CASD1: variants seen among roughly 807,000 people sequenced by gnomAD.
The protein encoded by CASD1 is N-acetylneuraminate (7)9-O-acetyltransferase.
CASD1 carries 41 observed loss-of-function variants against 100.0 expected under a neutral mutation model. That is an observed-to-expected ratio of 0.41 (90% CI 0.32 to 0.53). CASD1 has a LOEUF of 0.53. Among genes scored for constraint, CASD1 ranks in the 20% least tolerant of loss-of-function variants. The pLI, the probability that CASD1 is intolerant of heterozygous loss-of-function variation, is 0.25. For synonymous variants in CASD1, 321 were observed against 315.6 expected, an observed-to-expected ratio of 1.02 and a Z score of -0.18; for missense variants, 774 against 948.7, an observed-to-expected ratio of 0.82 and a Z score of 2.42.
chr7:94,586,061 G>GAAAAAAAAAAAAAAAAAA, the CASD1 span, among the ~76,000 whole-genome samples: 13 of 28,908 alleles, frequency 4.5e-4, no homozygotes, highest in South Asian at 1.8e-3. Flanking sequence ...GGAACTAAAT[G>GAAAAAAAAAAAAAAAAAA]AAAAAAAAAA....
chr7:94,553,878 CAG>C (rs1175085760), intron 16 of CASD1: 1 of 151,660 alleles, frequency 6.6e-6, no homozygotes, highest in Non-Finnish European at 1.5e-5. Flanking sequence ...TACAAAAGGA[CAG>C]GGGAGAGGAG....
At chr7:94,582,514 C>T in the CASD1 span, among the ~76,000 whole-genome samples, 1 of 152,104 alleles carries the variant, frequency 6.6e-6, no homozygotes, top group African/African-American at 2.4e-5. Flanking sequence ...TGTTTTTTCC[C>T]TAGTAAATTT....
chr7:94,554,301 C>A, intron 16 of CASD1, 182 bp from the exon 17 acceptor site: 1 of 476,934 alleles, frequency 2.1e-6, no homozygotes, highest in Non-Finnish European at 3.7e-6. Flanking sequence ...GTTGAGAAAT[C>A]CAGTTTGGGT....
chr7:94,612,591 A>G, the CASD1 span, among the ~76,000 whole-genome samples: 24 of 152,314 alleles, frequency 1.6e-4, no homozygotes, highest in Non-Finnish European at 3.4e-4. Context: ...TTTTGAAGTT[A>G]TAAATAATAT....
At chr7:94,627,939 A>G in the CASD1 span, 2 of 399,868 alleles carry the variant, frequency 5.0e-6, no homozygotes, top group East Asian at 4.4e-5. Flanking sequence ...TAGAATTCAT[A>G]TTATAATAAT....
At chr7:94,545,513 G>A in intron 11 of CASD1, 32 bp from the exon 12 acceptor site, 1 of 1,562,238 alleles carries the variant, frequency 6.4e-7, no homozygotes, top group Non-Finnish European at 8.8e-7. Flanking sequence ...CAATTACTTA[G>A]AATGAAACCA....
At chr7:94,526,301 A>G (rs1054012630) in intron 3 of CASD1, among the ~76,000 whole-genome samples, 4 of 152,238 alleles carry the variant, frequency 2.6e-5, no homozygotes, top group African/African-American at 7.2e-5. Context: ...CTTCTAGAGT[A>G]CCTTGGAACA....
chr7:94,571,672 G>T, the CASD1 span, among the ~76,000 whole-genome samples: 1 of 152,250 alleles, frequency 6.6e-6, no homozygotes, highest in East Asian at 1.9e-4. Flanking sequence ...ATATTTCCAA[G>T]CAAGGTATTG....
At position 94,533,262 on chromosome 7, in the gene CASD1, C is replaced by G. The variant is rs1003278178; in HGVS notation, c.504+13C>G. ...AGGAGCTGCCACAGTAAGTTATCAT[C>G]TGTATTCTTACTTAATGATTTTGTT... is the stretch of plus-strand genomic sequence containing the variant. On this transcript the variant is annotated intron_variant, in intron 6 of 17. Transcript: ENST00000297273. The G allele has an allele frequency of 6.3e-6, 10 of 1,598,300 alleles. No homozygotes were observed. Among genetic ancestry groups the G allele is most frequent in the Non-Finnish European group, 8.6e-6 (10 of 1,167,844 alleles).
intron 1 of CASD1, among the ~76,000 whole-genome samples, chr7:94,515,455 A>G (rs975044030): frequency 3.3e-5 from 5 of 150,268 alleles, no homozygotes; most frequent in Non-Finnish European, 5.9e-5. Context: ...GATTAGAGCT[A>G]TTGTTTTCCA....
At chr7:94,629,974 A>G in the CASD1 span, 1 of 972,186 alleles carries the variant, frequency 1.0e-6, no homozygotes, top group South Asian at 1.6e-5. Flanking sequence ...GCAACATGCA[A>G]GGAAACTGTT....
chr7:94,609,980 T>C, the CASD1 span, among the ~76,000 whole-genome samples: 1 of 152,150 alleles, frequency 6.6e-6, no homozygotes, highest in Non-Finnish European at 1.5e-5. Context: ...AGGTGAATGA[T>C]AATTAAACCG....
chr7:94,549,513 T>A lies in CASD1; in HGVS notation c.1714-20T>A. The A allele has an allele frequency of 6.5e-7, 1 of 1,545,870 alleles. No homozygotes were observed. The highest frequency in any genetic ancestry group is 8.9e-7 in the Non-Finnish European group (1 of 1,127,352). On this transcript the variant is annotated intron_variant, in intron 13 of 17. Coordinates refer to ENST00000297273, the MANE Select transcript of CASD1 (RefSeq NM_022900.5). Reference sequence around the variant, plus strand: ...TTGACTTGTACCATCTTAATTTATTTTCTGGATTCCTTTTTTCAGGGTGCA... The same window carrying A: ...TTGACTTGTACCATCTTAATTTATTATCTGGATTCCTTTTTTCAGGGTGCA...
At chr7:94,527,425 G>A (rs1038146703) in intron 4 of CASD1, among the ~76,000 whole-genome samples, 1 of 152,100 alleles carries the variant, frequency 6.6e-6, no homozygotes, top group Non-Finnish European at 1.5e-5. Context: ...TGTGTTCCGG[G>A]TTAATGTCCA....
chr7:94,533,903 A>T, intron 7 of CASD1, 101 bp downstream of exon 7: 1 of 1,110,324 alleles, frequency 9.0e-7, no homozygotes, highest in Middle Eastern at 2.6e-4. Context: ...CTTTATGAGA[A>T]TTAATTTTGA....
At chr7:94,517,475 T>C in intron 1 of CASD1, 85 bp from the exon 2 acceptor site, 3 of 777,126 alleles carry the variant, frequency 3.9e-6, no homozygotes, top group Non-Finnish European at 6.3e-6. Flanking sequence ...ACTTTTTTAT[T>C]TCAAGGAACT....
intron 9 of CASD1, 139 bp downstream of exon 9, chr7:94,538,033 C>T (rs1795203820): frequency 1.7e-6 from 1 of 601,062 alleles, no homozygotes; most frequent in East Asian, 2.8e-5. Context: ...TGTAGTTACA[C>T]TTCACTTAGT....
intron 7 of CASD1, 42 bp downstream of exon 7, chr7:94,533,844 T>C: frequency 6.8e-7 from 1 of 1,479,606 alleles, no homozygotes; most frequent in Non-Finnish European, 9.0e-7. Flanking sequence ...TGTGTATATT[T>C]TGAAGCATGG....
At chr7:94,589,391 C>G in the CASD1 span, 1 of 155,598 alleles carries the variant, frequency 6.4e-6, no homozygotes, top group Non-Finnish European at 1.4e-5. Flanking sequence ...ATCATCATTT[C>G]TCACTTGGAT....
Sources: gnomAD v4.1 joint callset for allele counts (sites outside exome capture counted in the v4.1 genomes callset) on GRCh38, gnomAD v4.1.1 for gene constraint, MANE v1.5 for transcripts, NCBI Gene and HGNC (gene_info 2026-07-23, HGNC 2026-07-21) for gene names.